Variants in C1orf141 observed in about 807,000 individuals in gnomAD.
The protein encoded by C1orf141 is uncharacterized protein C1orf141.
Under a neutral mutation model 23.2 loss-of-function variants are expected in C1orf141, and 19 were observed. The ratio of observed to expected loss-of-function variants is 0.82; its 90% CI spans 0.57 to 1.20. C1orf141 has a LOEUF of 1.20. C1orf141 is among the 50% of genes most tolerant of loss of function. The probability of loss-of-function intolerance (pLI) is 0.00; values close to 1 mark genes in which losing one functional copy is unlikely to be tolerated. For synonymous variants in C1orf141, 153 were observed against 154.6 expected (o/e 0.99, Z 0.08); for missense variants, 469 against 455.1 (o/e 1.03, Z -0.28).
chr1:67,137,801 C>A (rs184954885), upstream of C1orf141, among the ~76,000 whole-genome samples: 111 of 152,356 alleles, frequency 7.3e-4, 1 homozygote, highest in Middle Eastern at 3.4e-3. Context: ...CCTATAAATT[C>A]TTTACTATAT....
intron 5 of C1orf141, among the ~76,000 whole-genome samples, chr1:67,109,110 G>A (rs192217425): frequency 1.4e-3 from 210 of 152,122 alleles, no homozygotes; most frequent in African/African-American, 4.9e-3. Flanking sequence ...GGCGGATCAC[G>A]AGGTCGGGAG....
rs1038737914 is a variant in C1orf141 at position 67,096,022 on chromosome 1, A to G, written c.416+230T>C. 36 of 317,352 alleles carry G rather than the reference A, an allele frequency of 1.1e-4. 1 individual carries two copies. The highest frequency in any genetic ancestry group is 1.2e-5 in the Non-Finnish European group (2 of 168,786). The allele number at this position is 317,352 out of a possible 1,614,324, so 19.7% of individuals were successfully genotyped here. A position where few individuals can be genotyped will look rare whatever the true frequency, so the allele number is the denominator to read the frequency against. ...AAGTAAATGTGTGTATTTACTAAAA[A>G]AAAAAATTGTATTCCCTCTATTCAT... On this transcript the variant is annotated intron_variant, in intron 6 of 7. Transcript: ENST00000684719.
intron 4 of C1orf141, among the ~76,000 whole-genome samples, chr1:67,117,113 A>G (rs1409688121): frequency 6.6e-6 from 1 of 152,116 alleles, no homozygotes; most frequent in South Asian, 2.1e-4. Context: ...TACATAGTAC[A>G]TGTTTAATAT....
At chr1:67,103,131 G>A (rs1190558609) in intron 5 of C1orf141, 5 of 551,110 alleles carry the variant, frequency 9.1e-6, no homozygotes, top group Non-Finnish European at 1.5e-5. Flanking sequence ...ATGGTAGTAT[G>A]ATCAAAGACG....
At chr1:67,107,246 A>G (rs962031082) in intron 5 of C1orf141, among the ~76,000 whole-genome samples, 1 of 152,186 alleles carries the variant, frequency 6.6e-6, no homozygotes, top group African/African-American at 2.4e-5. Context: ...AAAGAGAGAT[A>G]ACTAAAATCC....
At chr1:67,129,519 C>T (rs923760904) in intron 2 of C1orf141, among the ~76,000 whole-genome samples, 2 of 152,054 alleles carry the variant, frequency 1.3e-5, no homozygotes, top group African/African-American at 4.8e-5. Flanking sequence ...AAGCAGATAG[C>T]CTGCCTTGTG....
chr1:67,118,309 A>G (rs191567611), intron 4 of C1orf141, among the ~76,000 whole-genome samples: 4 of 152,304 alleles, frequency 2.6e-5, no homozygotes, highest in African/African-American at 9.6e-5. Context: ...AAAGAAAAAT[A>G]TCAGAATTGT....
intron 4 of C1orf141, among the ~76,000 whole-genome samples, chr1:67,125,358 T>A (rs895590576): frequency 6.6e-6 from 1 of 152,200 alleles, no homozygotes; most frequent in African/African-American, 2.4e-5. Context: ...AACTTTCATT[T>A]AATATACATT....
intron 4 of C1orf141, among the ~76,000 whole-genome samples, chr1:67,119,786 T>C (rs980043523): frequency 1.3e-5 from 2 of 152,234 alleles, no homozygotes; most frequent in African/African-American, 4.8e-5. Flanking sequence ...GACCAGATCA[T>C]AGAGCTACTG....
At chr1:67,104,650 T>C (rs1420915350) in intron 5 of C1orf141, among the ~76,000 whole-genome samples, 1 of 152,192 alleles carries the variant, frequency 6.6e-6, no homozygotes, top group Non-Finnish European at 1.5e-5. Context: ...AACAAATTGT[T>C]CTCATGCAAT....
chr1:67,117,833 G>T (rs538917368), intron 4 of C1orf141, among the ~76,000 whole-genome samples: 1 of 152,258 alleles, frequency 6.6e-6, no homozygotes, highest in Non-Finnish European at 1.5e-5. Context: ...TTTCCTTGTG[G>T]TGAACCAAAG....
intron 5 of C1orf141, chr1:67,113,719 G>A: frequency 7.8e-7 from 1 of 1,278,122 alleles, no homozygotes; most frequent in Non-Finnish European, 1.0e-6. Context: ...ATCCGCTGAA[G>A]AGGCTTTAAT....
chr1:67,126,052 T>A, intron 3 of C1orf141, 143 bp from the exon 4 acceptor site: 1 of 932,018 alleles, frequency 1.1e-6, no homozygotes, highest in Non-Finnish European at 1.6e-6. Flanking sequence ...GGAAAAATAG[T>A]ACAGACTGAA....
At chr1:67,102,666 C>G (rs1645830999) in intron 5 of C1orf141, 1 of 151,998 alleles carries the variant, frequency 6.6e-6, no homozygotes, top group East Asian at 1.9e-4. Flanking sequence ...TCTATTCAAT[C>G]TCAGAGGCCA....
intron 5 of C1orf141, among the ~76,000 whole-genome samples, chr1:67,098,444 C>T (rs1461306191): frequency 1.3e-5 from 2 of 152,112 alleles, no homozygotes; most frequent in African/African-American, 4.8e-5. Flanking sequence ...ATCGCTTGAA[C>T]CAGAGTCGGA....
intron 3 of C1orf141, among the ~76,000 whole-genome samples, chr1:67,126,654 G>A (rs991444184): frequency 2.6e-5 from 4 of 152,210 alleles, no homozygotes; most frequent in Admixed American, 6.5e-5. Flanking sequence ...ATCGCTGAAA[G>A]AAGGGAAATA....
chr1:67,140,229 A>T (rs1646623676), intron 1 of C1orf141, among the ~76,000 whole-genome samples: 1 of 152,244 alleles, frequency 6.6e-6, no homozygotes, highest in Non-Finnish European at 1.5e-5. Flanking sequence ...CAAAAGCAAA[A>T]TATTTAAAGT....
chr1:67,132,598 CTT>C (rs1053017755), intron 1 of C1orf141, among the ~76,000 whole-genome samples: 2 of 152,108 alleles, frequency 1.3e-5, no homozygotes, highest in Non-Finnish European at 2.9e-5. Flanking sequence ...CAAGAATTGA[CTT>C]ATCCACCTCC....
chr1:67,111,250 T>C lies in C1orf141; in HGVS notation c.346+4102A>G, dbSNP rs376813268. ...ATTAAAAGATTAACAAATTGATATA[T>C]ATTTTTATTTAATAAATTTGGATGT... On this transcript the variant is annotated intron_variant, in intron 5 of 7. Coordinates refer to ENST00000684719, the MANE Select transcript of C1orf141 (RefSeq NM_001276351.2). 2.9e-4 allele frequency among the ~76,000 whole-genome samples: 44 copies of C among 152,234 alleles called. 1 individual carries two copies. The Middle Eastern group carries it at 0.017, about 59-fold the overall frequency.
Sources: allele counts gnomAD v4.1 joint callset (sites outside exome capture counted in the v4.1 genomes callset), GRCh38; gene constraint gnomAD v4.1.1; transcripts MANE v1.5; gene names NCBI Gene and HGNC (gene_info 2026-07-23, HGNC 2026-07-21).